SEMA3A: variants seen among roughly 807,000 people sequenced by gnomAD.
SEMA3A encodes semaphorin 3A.
In SEMA3A, 29 loss-of-function variants were observed where a neutral mutation model predicts 97.9. The observed-to-expected ratio is 0.30, with a 90% CI of 0.22 to 0.40. The LOEUF is 0.40. SEMA3A is among the 10% of genes least tolerant of loss of function. The probability of loss-of-function intolerance (pLI) is 1.00; values close to 1 mark genes in which losing one functional copy is unlikely to be tolerated. For missense variants in SEMA3A, 763 were observed against 951.3 expected (o/e 0.80, Z 2.60); for synonymous variants, 321 against 323.7 (o/e 0.99, Z 0.09).
chr7:84,132,722 C>T (rs957497169), intron 2 of SEMA3A, among the ~76,000 whole-genome samples: 8 of 118,992 alleles, frequency 6.7e-5, no homozygotes, highest in African/African-American at 2.5e-4. Flanking sequence ...GTCACCCAGG[C>T]TGGAGTGCAA....
chr7:84,215,963 A>C (rs761446731), intron 3 of SEMA3A, among the ~76,000 whole-genome samples: 42 of 151,328 alleles, frequency 2.8e-4, no homozygotes, highest in Non-Finnish European at 6.1e-4. Flanking sequence ...CAAAATGAGA[A>C]ATGAACTGTT....
At chr7:84,407,717 T>C (rs1252894124) in intron 1 of SEMA3A, among the ~76,000 whole-genome samples, 6 of 151,990 alleles carry the variant, frequency 3.9e-5, no homozygotes, top group African/African-American at 7.3e-5. Flanking sequence ...TGGAACAGAA[T>C]AGAGCCCTCA....
intron 3 of SEMA3A, among the ~76,000 whole-genome samples, chr7:84,222,863 T>C (rs963657789): frequency 8.6e-5 from 13 of 151,826 alleles, no homozygotes; most frequent in South Asian, 2.1e-4. Flanking sequence ...TTTTGCAAAA[T>C]ACAAATACAT....
At chr7:84,300,375 G>T (rs749982887) in intron 3 of SEMA3A, among the ~76,000 whole-genome samples, 2 of 151,948 alleles carry the variant, frequency 1.3e-5, no homozygotes, top group Non-Finnish European at 2.9e-5. Context: ...GTAGTATAAT[G>T]AAAACAAAAT....
At chr7:84,111,419 T>C (rs1795273259) in intron 3 of SEMA3A, among the ~76,000 whole-genome samples, 1 of 151,858 alleles carries the variant, frequency 6.6e-6, no homozygotes, top group East Asian at 2.0e-4. Flanking sequence ...GTAAAATTAT[T>C]TGAGTACATT....
intron 5 of SEMA3A, among the ~76,000 whole-genome samples, chr7:84,048,328 T>C (rs1792443159): frequency 6.6e-6 from 1 of 152,054 alleles, no homozygotes; most frequent in Admixed American, 6.6e-5. Context: ...TATGATAACC[T>C]ATGTATAAAT....
rs17159080 is a variant in SEMA3A, at chr7:84,480,360, T to C, written c.-246+12100A>G. The stretch of plus-strand genomic sequence containing the variant: ...CCTGGAATGGAGCAGAAGTGAAAAA[T>C]AGTAACACAAAAACATTAAAAGTAA... On this transcript the variant is annotated intron_variant, in intron 1 of 3. Coordinates refer to the SEMA3A transcript ENST00000424555. Among the ~76,000 whole-genome samples the C allele has an allele frequency of 0.013, 2,049 of 152,148 alleles. 97 individuals carry two copies. The East Asian group carries it at 0.16, about 12-fold the overall frequency.
chr7:84,197,642 G>A (rs539829887), upstream of SEMA3A, among the ~76,000 whole-genome samples: 16 of 151,876 alleles, frequency 1.1e-4, no homozygotes, highest in South Asian at 2.3e-3. Flanking sequence ...CAAGGTATGG[G>A]TGGACCTGGA....
intron 3 of SEMA3A, among the ~76,000 whole-genome samples, chr7:84,113,453 G>T (rs1795333147): frequency 6.6e-6 from 1 of 152,210 alleles, no homozygotes; most frequent in East Asian, 1.9e-4. Context: ...GGCAGAAAAA[G>T]GAAACACACT....
At chr7:84,028,586 T>C (rs1044321140) in intron 6 of SEMA3A, among the ~76,000 whole-genome samples, 3 of 141,930 alleles carry the variant, frequency 2.1e-5, no homozygotes, top group African/African-American at 8.4e-5. Flanking sequence ...ATTAAATGTA[T>C]AATAAAGTTT....
chr7:84,463,237 C>CT (rs59465422), intron 1 of SEMA3A, among the ~76,000 whole-genome samples: 6,123 of 70,880 alleles, frequency 0.086, 1,554 homozygotes, highest in Non-Finnish European at 0.12. Context: ...TGTAACTATT[C>CT]TTTTTTTTTT....
chr7:84,323,224 GT>G (rs1801693912), intron 2 of SEMA3A, among the ~76,000 whole-genome samples: 1 of 152,092 alleles, frequency 6.6e-6, no homozygotes, highest in African/African-American at 2.4e-5. Context: ...CTAATTGTGC[GT>G]TTTGTTCTAT....
At chr7:84,040,189 C>G (rs1342698750) in intron 6 of SEMA3A, among the ~76,000 whole-genome samples, 1 of 149,840 alleles carries the variant, frequency 6.7e-6, no homozygotes, top group Non-Finnish European at 1.5e-5. Flanking sequence ...AAACCCATTC[C>G]TTTCACTCAG....
intron 3 of SEMA3A, among the ~76,000 whole-genome samples, chr7:84,128,637 T>C (rs1481612421): frequency 6.6e-6 from 1 of 152,086 alleles, no homozygotes; most frequent in African/African-American, 2.4e-5. Context: ...TTCTCAAGGG[T>C]GATTAAGTTT....
intron 1 of SEMA3A, among the ~76,000 whole-genome samples, chr7:84,407,572 G>C (rs1381554320): frequency 6.6e-6 from 1 of 151,156 alleles, no homozygotes; most frequent in Admixed American, 6.6e-5. Context: ...CCAAAAAAGA[G>C]CCCACATTGC....
chr7:84,338,683 G>A (rs1408268517), intron 2 of SEMA3A, among the ~76,000 whole-genome samples: 1 of 152,048 alleles, frequency 6.6e-6, no homozygotes, highest in Non-Finnish European at 1.5e-5. Context: ...TAGAAAAGCC[G>A]CAACCATACA....
intron 3 of SEMA3A, among the ~76,000 whole-genome samples, chr7:84,226,691 T>C (rs1798996383): frequency 6.6e-6 from 1 of 152,112 alleles, no homozygotes; most frequent in South Asian, 2.1e-4. Context: ...AATCTTTCTG[T>C]ATTTTCTATT....
intron 1 of SEMA3A, among the ~76,000 whole-genome samples, chr7:84,477,089 TA>T (rs1379526169): frequency 1.4e-4 from 21 of 147,742 alleles, no homozygotes; most frequent in Middle Eastern, 3.6e-3. Flanking sequence ...TATATATATA[TA>T]TATTTTTCAA....
intron 3 of SEMA3A, among the ~76,000 whole-genome samples, chr7:84,263,962 T>C (rs926266682): frequency 2.0e-5 from 3 of 152,210 alleles, no homozygotes; most frequent in African/African-American, 7.2e-5. Context: ...CAAACTGTTA[T>C]ATGTAAAATA....
Sources: gnomAD v4.1 joint callset for allele counts (sites outside exome capture counted in the v4.1 genomes callset) on GRCh38, gnomAD v4.1.1 for gene constraint, MANE v1.5 for transcripts, NCBI Gene and HGNC (gene_info 2026-07-23, HGNC 2026-07-21) for gene names.